The following EVC variants were observed in gnomAD, a reference collection of about 807,000 sequenced individuals.
EVC encodes evC complex member EVC.
In EVC, 116 loss-of-function variants were observed where a neutral mutation model predicts 118.9. That is an observed-to-expected ratio of 0.98 (90% confidence interval 0.84 to 1.14). EVC has a LOEUF of 1.14. Ranked by LOEUF, EVC falls within the 50% of genes most tolerant of loss-of-function variation. The pLI is 0.00. For synonymous variants in EVC, 619 were observed against 534.7 expected (o/e 1.16, Z -2.18); for missense variants, 1,401 against 1,246.4 (o/e 1.12, Z -1.87).
At chr4:5,748,534 A>T (rs1729735988) in intron 8 of EVC, among the ~76,000 whole-genome samples, 3 of 148,438 alleles carry the variant, frequency 2.0e-5, no homozygotes, top group Admixed American at 2.0e-4. Flanking sequence ...CCATCCATCT[A>T]CCCATCCATC....
chr4:5,812,014 C>T lies in EVC; in HGVS notation c.*977C>T, dbSNP rs1358531679. The T allele has an allele frequency of 6.3e-6, 1 of 157,786 alleles. No individual in the cohort carries two copies. The allele number at this position is 157,786 out of a possible 1,614,324, so 9.8% of individuals were successfully genotyped here. On this transcript the variant is annotated 3_prime_UTR_variant, in exon 21 of 21. Coordinates refer to ENST00000264956, the MANE Select transcript of EVC (RefSeq NM_153717.3). ...GAGGCCTTTCCCACCTGGACAGAAACTTCCAGACCAGCCCCTCTCACCACA... is the reference window on the plus strand; with the variant it reads ...GAGGCCTTTCCCACCTGGACAGAAATTTCCAGACCAGCCCCTCTCACCACA...
At position 5,790,254 on chromosome 4, in the gene EVC, G is replaced by T. The variant is rs1033839729; in HGVS notation, c.1777-3354G>T. ...TTCTGGTTTCCCTAGCACTCCAATA[G>T]ATTATTGTAAACTCCTTACAAGAGG... On this transcript the variant is annotated intron_variant, in intron 12 of 20. Transcript: ENST00000264956. 4.6e-5 allele frequency among the ~76,000 whole-genome samples: 7 copies of T among 151,406 alleles called. No homozygotes were observed. In the East Asian group the frequency reaches 5.8e-4, roughly 13 times the overall value.
intron 11 of EVC, among the ~76,000 whole-genome samples, chr4:5,762,351 G>A (rs1462667898): frequency 1.4e-5 from 2 of 138,322 alleles, no homozygotes; most frequent in East Asian, 2.1e-4. Context: ...GAATAGTGCC[G>A]CAATAAACAT....
At chr4:5,723,417 C>T (rs1231600897) in intron 2 of EVC, among the ~76,000 whole-genome samples, 1 of 152,112 alleles carries the variant, frequency 6.6e-6, no homozygotes, top group African/African-American at 2.4e-5. Context: ...TCTCAAACTC[C>T]TGACCTCGTG....
At chr4:5,757,273 G>C (rs75523497) in intron 11 of EVC, among the ~76,000 whole-genome samples, 10,058 of 152,204 alleles carry the variant, frequency 0.066, 1,118 homozygotes, top group African/African-American at 0.23. Context: ...TGAAGGTGAC[G>C]TCAAGGACAG....
At chr4:5,825,462 T>G in the EVC span, 1 of 1,539,036 alleles carries the variant, frequency 6.5e-7, no homozygotes, top group African/African-American at 1.4e-5. This position sits in a 1 kb window ranked among gnomAD's most constrained non-coding sequence, Gnocchi z 4.4. Context: ...CTGCTGCAAT[T>G]GTGGGGAGCC....
intron 5 of EVC, among the ~76,000 whole-genome samples, chr4:5,740,044 G>A (rs1448509949): frequency 6.6e-6 from 1 of 152,058 alleles, no homozygotes; most frequent in Non-Finnish European, 1.5e-5. Flanking sequence ...TCAATAAATG[G>A]TACTGGAGCA....
rs541262897 is a variant in EVC, at chr4:5,804,867, T to C, written c.2561+26T>C. On this transcript the variant is annotated intron_variant, in intron 17 of 20. Transcript: ENST00000264956. The stretch of plus-strand genomic sequence containing the variant: ...GTGAGGTCCCAACTGAGGTCCCACG[T>C]AGGGCTGTTCTCTACCCCATTCACA... The C allele has an allele frequency of 9.5e-6, 15 of 1,583,162 alleles. No individual in the cohort carries two copies. In the South Asian group the frequency reaches 1.3e-4, roughly 14 times the overall value.
intron 15 of EVC, among the ~76,000 whole-genome samples, chr4:5,801,479 G>C (rs1314802141): frequency 1.3e-5 from 2 of 152,140 alleles, no homozygotes; most frequent in African/African-American, 4.8e-5. Context: ...AGGAGTTTGA[G>C]ACCAGCCTGG....
intron 5 of EVC, among the ~76,000 whole-genome samples, chr4:5,739,489 C>T (rs537476478): frequency 4.6e-5 from 7 of 152,226 alleles, no homozygotes; most frequent in African/African-American, 7.2e-5. Context: ...CCAACCTCCC[C>T]GCATGCCATG....
intron 16 of EVC, among the ~76,000 whole-genome samples, 163 bp from the exon 17 acceptor site, chr4:5,804,566 CT>C (rs558283109): frequency 2.0e-5 from 3 of 152,116 alleles, no homozygotes; most frequent in Non-Finnish European, 4.4e-5. Flanking sequence ...ATGATGGAAG[CT>C]GTGTTGTTTG....
rs570562915 is a variant in EVC, at chr4:5,746,062, C to T, written c.939+721C>T. Among the ~76,000 whole-genome samples the T allele has an allele frequency of 6.6e-6, 1 of 152,248 alleles. No homozygotes were observed. Among genetic ancestry groups the T allele is most frequent in the East Asian group, 1.9e-4 (1 of 5,170 alleles). On this transcript the variant is annotated intron_variant, in intron 7 of 20. Coordinates refer to ENST00000264956, the MANE Select transcript of EVC (RefSeq NM_153717.3). This position sits in a 1 kb window ranked among gnomAD's most constrained non-coding sequence, Gnocchi z 5.8. ...GGCCGGGAGAAGTGTGGGTGCTGGCCAGTGGTGGGGCAGAGATGGGAGCTA... is the reference window on the plus strand; with the variant it reads ...GGCCGGGAGAAGTGTGGGTGCTGGCTAGTGGTGGGGCAGAGATGGGAGCTA...
intron 5 of EVC, among the ~76,000 whole-genome samples, chr4:5,740,573 A>G (rs1441308989): frequency 6.6e-6 from 1 of 152,176 alleles, no homozygotes; most frequent in African/African-American, 2.4e-5. Flanking sequence ...CATGACACAC[A>G]GAAGGAAAAA....
At chr4:5,785,597 C>A (rs1736301997) in intron 12 of EVC, among the ~76,000 whole-genome samples, 1 of 152,174 alleles carries the variant, frequency 6.6e-6, no homozygotes, top group Non-Finnish European at 1.5e-5. Flanking sequence ...TCATTCAGTC[C>A]TCTGTCAGTG....
chr4:5,753,017 A>C lies in EVC; in HGVS notation c.1280A>C (p.Lys427Thr), dbSNP rs762053519. ...QKEELLTQQH[K>T]AFWQEAERFS... Reference sequence around the variant, plus strand: ...GAGGAGCTGCTCACGCAGCAGCACAAGGCCTTCTGGCAGGAGGCAGAGCGC... The same window carrying C: ...GAGGAGCTGCTCACGCAGCAGCACACGGCCTTCTGGCAGGAGGCAGAGCGC... The change falls in exon 9 of 21, where the codon AAG becomes ACG. Residue 427 changes from lysine to threonine, a missense_variant. Lys to Thr is a moderately conservative substitution (Grantham distance 78). Coordinates refer to ENST00000264956, the MANE Select transcript of EVC (RefSeq NM_153717.3). The C allele has an allele frequency of 6.2e-7, 1 of 1,610,482 alleles. No homozygotes were observed. The highest frequency in any genetic ancestry group is 8.5e-7 in the Non-Finnish European group (1 of 1,178,600).
intron 7 of EVC, among the ~76,000 whole-genome samples, chr4:5,747,225 C>A (rs1335953411): frequency 7.8e-6 from 1 of 127,852 alleles, no homozygotes; most frequent in Non-Finnish European, 1.6e-5. Flanking sequence ...GACAGAGTTT[C>A]ATGATCTTGA....
At chr4:5,821,938 C>T in the EVC span, 2 of 1,192,388 alleles carry the variant, frequency 1.7e-6, no homozygotes, top group East Asian at 5.1e-5. This position sits in a 1 kb window ranked among gnomAD's most constrained non-coding sequence, Gnocchi z 4.4. Flanking sequence ...CTGCCATGCA[C>T]TCCACTGGAC....
At chr4:5,776,521 C>G (rs1367808277) in intron 11 of EVC, among the ~76,000 whole-genome samples, 2 of 152,130 alleles carry the variant, frequency 1.3e-5, no homozygotes, top group Non-Finnish European at 1.5e-5. Context: ...AAAGAGGAAG[C>G]CTCAGTTTCC....
intron 8 of EVC, among the ~76,000 whole-genome samples, chr4:5,751,245 C>G (rs1302280888): frequency 6.6e-6 from 1 of 152,224 alleles, no homozygotes; most frequent in African/African-American, 2.4e-5. Context: ...GGAGCCAAGT[C>G]TGAGCCTGGC....
Sources: allele counts gnomAD v4.1 joint callset (sites outside exome capture counted in the v4.1 genomes callset), GRCh38; gene constraint gnomAD v4.1.1; non-coding constraint Gnocchi (gnomAD v3.1); transcripts MANE v1.5; gene names NCBI Gene and HGNC (gene_info 2026-07-23, HGNC 2026-07-21).